Variants in PIEZO2 observed in about 807,000 individuals in gnomAD.
The protein encoded by PIEZO2 is piezo type mechanosensitive ion channel component 2.
A neutral mutation model predicts 337.3 loss-of-function variants in PIEZO2; 172 were observed. That is an observed-to-expected ratio of 0.51 (90% CI 0.45 to 0.58). The LOEUF (loss-of-function observed/expected upper bound fraction) is 0.58. PIEZO2 is among the 20% of genes least tolerant of loss of function. PIEZO2 has a pLI of 0.00. For synonymous variants in PIEZO2, 1,251 were observed against 1,228.5 expected (o/e 1.02, Z -0.38); for missense variants, 3,028 against 3,391.3 (o/e 0.89, Z 2.66).
intron 36 of PIEZO2, among the ~76,000 whole-genome samples, chr18:10,722,957 A>ATTTTT (rs36042609): frequency 4.7e-5 from 4 of 84,310 alleles, no homozygotes; most frequent in Non-Finnish European, 6.6e-5. Context: ...GGATGCAGTG[A>ATTTTT]TTTTTTTTTT....
At chr18:11,054,490 C>T (rs1038477445) in intron 2 of PIEZO2, among the ~76,000 whole-genome samples, 4 of 152,254 alleles carry the variant, frequency 2.6e-5, no homozygotes, top group Non-Finnish European at 5.9e-5. Context: ...CAAATATTTA[C>T]TGAACGAACG....
intron 2 of PIEZO2, among the ~76,000 whole-genome samples, chr18:10,985,973 C>T (rs1443267596): frequency 1.3e-5 from 2 of 152,018 alleles, no homozygotes; most frequent in South Asian, 2.1e-4. Flanking sequence ...CTATACACTG[C>T]CTACAAGGAA....
rs1567988239 is a variant in PIEZO2 at position 10,724,806 on chromosome 18, G to T, written c.5030-6547C>A. The stretch of plus-strand genomic sequence containing the variant: ...CAGCACTGCAGCCCCAGCCTGAGCA[G>T]CAGTCGTTCTCACAGATGCACCTGG... On this transcript the variant is annotated intron_variant, in intron 36 of 55. Coordinates refer to ENST00000674853, the MANE Select transcript of PIEZO2 (RefSeq NM_001378183.1). The surrounding 1 kb of genome is among the most constrained non-coding windows in gnomAD (Gnocchi z 5.8). 4 of 1,589,400 alleles carry T rather than the reference G, an allele frequency of 2.5e-6. No individual in the cohort carries two copies. The highest frequency in any genetic ancestry group is 1.9e-4 in the Middle Eastern group (1 of 5,330).
At chr18:10,948,244 T>A in intron 3 of PIEZO2, among the ~76,000 whole-genome samples, 1 of 152,280 alleles carries the variant, frequency 6.6e-6, no homozygotes, top group Middle Eastern at 3.4e-3. Context: ...CAATATTACA[T>A]TAAAATTATT....
At chr18:11,054,682 TCTCCAGTGAACA>T (rs1208999188) in intron 2 of PIEZO2, among the ~76,000 whole-genome samples, 2 of 152,094 alleles carry the variant, frequency 1.3e-5, no homozygotes, top group Admixed American at 1.3e-4. Flanking sequence ...ACTCCCTCAT[TCTCCAGTGAACA>T]CTGCGAAAAA....
At chr18:10,809,832 A>T (rs2144352580) in intron 7 of PIEZO2, among the ~76,000 whole-genome samples, 1 of 152,318 alleles carries the variant, frequency 6.6e-6, no homozygotes, top group Admixed American at 6.5e-5. Flanking sequence ...GCTAGCTTGG[A>T]CAGAGCAAGG....
intron 2 of PIEZO2, among the ~76,000 whole-genome samples, chr18:10,990,536 G>C (rs1452044559): frequency 1.3e-5 from 2 of 151,910 alleles, no homozygotes; most frequent in Non-Finnish European, 2.9e-5. Context: ...CAAGCCCCAA[G>C]CCCTTGAAAC....
At chr18:10,890,745 T>C (rs974943721) in intron 4 of PIEZO2, 5 of 151,618 alleles carry the variant, frequency 3.3e-5, no homozygotes, top group Non-Finnish European at 1.5e-5. Context: ...AGATGAGATC[T>C]GGGTGGTGAC....
At position 10,764,519 on chromosome 18, in the gene PIEZO2, T is replaced by C. The variant is rs567724619; in HGVS notation, c.2947-1421A>G. Among the ~76,000 whole-genome samples, 2 of 149,932 alleles carry C rather than the reference T, an allele frequency of 1.3e-5. 1 individual carries two copies. The highest frequency in any genetic ancestry group is 4.2e-4 in the South Asian group (2 of 4,766). On this transcript the variant is annotated intron_variant, in intron 21 of 55. Transcript: ENST00000674853. The stretch of plus-strand genomic sequence containing the variant: ...AGCCGGGCGTGGTGGCAGGCTCCTG[T>C]AATCCCAGCTACAGTGGCCGAGATC...
chr18:10,822,740 C>T (rs775236558), intron 7 of PIEZO2, among the ~76,000 whole-genome samples: 2 of 152,168 alleles, frequency 1.3e-5, no homozygotes, highest in South Asian at 2.1e-4. Flanking sequence ...ATTTTGTGAA[C>T]GCGTTGGGGT....
chr18:10,871,269 A>T lies in PIEZO2; in HGVS notation c.476T>A (p.Phe159Tyr), dbSNP rs907913792. 2.0e-6 allele frequency: 3 copies of T among 1,535,646 alleles called. No homozygotes were observed. The highest frequency in any genetic ancestry group is 2.6e-6 in the Non-Finnish European group (3 of 1,146,540). Residue 159 changes from phenylalanine to tyrosine, a missense_variant, in exon 5 of 56, where the codon TTT (phenylalanine) becomes TAT (tyrosine). Transcript: ENST00000674853. ...TDEAAQSNPE[F>Y]ENEELAEGEK... ...TGGATTTACCAATTCTTCATTTTCA[A>T]ACTCCGGGTTACTCTGTGCTGCTTC...
rs2032811233 is a variant in PIEZO2, at chr18:10,943,066, A to C, written c.287-31838T>G. On this transcript the variant is annotated intron_variant, in intron 3 of 55. Coordinates refer to ENST00000674853, the MANE Select transcript of PIEZO2 (RefSeq NM_001378183.1). This position sits in a 1 kb window ranked among gnomAD's most constrained non-coding sequence, Gnocchi z 4.5. ...CCTCCACCTAGATTTCAGAAGATAC[A>C]TGGAAACCCCTGGATAACCAGGCAG... is the stretch of plus-strand genomic sequence containing the variant. Among the ~76,000 whole-genome samples the C allele has an allele frequency of 6.6e-6, 1 of 152,232 alleles. No homozygotes were observed. The highest frequency in any genetic ancestry group is 1.5e-5 in the Non-Finnish European group (1 of 68,052).
Position 10,714,800 on chromosome 18 carries a change from C to T in PIEZO2, c.5387G>A (p.Arg1796Lys), listed in dbSNP as rs868737453. 6.5e-7 allele frequency: 1 copy of T among 1,537,196 alleles called. No homozygotes were observed. Among genetic ancestry groups the T allele is most frequent in the South Asian group, 1.2e-5 (1 of 84,060 alleles). ...GTCATGTGAATCTAAACTATCCATC[C>T]TGTGGGCTGTCTGTGCACCTGAAGC... ...GAASGAQTAH[R>K]MDSLDSHDSI... Residue 1796 changes from arginine (R) to lysine (K), a missense_variant, in exon 39 of 56, where the codon AGG becomes AAG. This residue lies in a region of PIEZO2 where 1,925 missense variants were observed against 2,051.9 expected (regional missense o/e 0.94). Transcript: ENST00000674853.
intron 2 of PIEZO2, among the ~76,000 whole-genome samples, chr18:10,997,284 C>G (rs868685935): frequency 1.3e-5 from 2 of 149,890 alleles, no homozygotes; most frequent in South Asian, 2.1e-4. Context: ...ACAATGAAAA[C>G]TTAAACATTC....
intron 5 of PIEZO2, among the ~76,000 whole-genome samples, chr18:10,858,019 T>TA (rs2041760541): frequency 6.6e-6 from 1 of 151,084 alleles, no homozygotes; most frequent in Admixed American, 6.6e-5. Context: ...TTTTTTTTTT[T>TA]TAAAGAAATC....
chr18:11,145,375 A>C (rs1714982686), intron 1 of PIEZO2, among the ~76,000 whole-genome samples: 1 of 152,214 alleles, frequency 6.6e-6, no homozygotes, highest in South Asian at 2.1e-4. Flanking sequence ...AAAATCTGTA[A>C]CCATTATATT....
chr18:10,680,410 T>C (rs1333360098), intron 51 of PIEZO2, 39 bp from the exon 52 acceptor site: 2 of 1,559,860 alleles, frequency 1.3e-6, no homozygotes, highest in African/African-American at 2.7e-5. Flanking sequence ...ATAGATTATA[T>C]GCATCATGCT....
chr18:10,842,172 G>A (rs1438982565), intron 7 of PIEZO2, among the ~76,000 whole-genome samples: 1 of 151,322 alleles, frequency 6.6e-6, no homozygotes, highest in East Asian at 1.9e-4. Flanking sequence ...AAAAAAGTTG[G>A]TGTGCATTTT....
chr18:10,685,824 C>T (rs614661), intron 49 of PIEZO2, among the ~76,000 whole-genome samples: 68,122 of 152,044 alleles, frequency 0.45, 16,823 homozygotes, highest in East Asian at 0.72. Flanking sequence ...TCTTCCCATG[C>T]TCTCAGCAGA....
Sources: allele counts gnomAD v4.1 joint callset (sites outside exome capture counted in the v4.1 genomes callset), GRCh38; gene constraint gnomAD v4.1.1; regional missense constraint gnomAD v4.1.1; non-coding constraint Gnocchi (gnomAD v3.1); transcripts MANE v1.5; gene names NCBI Gene and HGNC (gene_info 2026-07-23, HGNC 2026-07-21).